The following SLC2A9 variants were observed in gnomAD, a reference collection of about 807,000 sequenced individuals.
SLC2A9 encodes the protein solute carrier family 2 member 9.
In SLC2A9, 39 loss-of-function variants were observed where a neutral mutation model predicts 50.6. The observed-to-expected ratio is 0.77, with a 90% confidence interval of 0.60 to 1.01. SLC2A9 has a LOEUF of 1.01. SLC2A9 is among the 50% of genes least tolerant of loss of function. The pLI is 0.00. For synonymous variants in SLC2A9, 324 were observed against 276.9 expected, an observed-to-expected ratio of 1.17 and a Z score of -1.69; for missense variants, 686 against 677.6, an observed-to-expected ratio of 1.01 and a Z score of -0.14.
chr4:10,030,481 G>A (rs1048600996), intron 1 of SLC2A9, among the ~76,000 whole-genome samples: 1 of 152,120 alleles, frequency 6.6e-6, no homozygotes, highest in African/African-American at 2.4e-5. Context: ...GGGTAATTTG[G>A]ATGTGTCAAT....
intron 3 of SLC2A9, among the ~76,000 whole-genome samples, chr4:9,790,072 G>A (rs1309260883): frequency 6.6e-6 from 1 of 152,218 alleles, no homozygotes; most frequent in East Asian, 1.9e-4. Context: ...GCTGAGAGAG[G>A]TTCAATAGCA....
chr4:9,798,508 G>A (rs758596932), downstream of SLC2A9, among the ~76,000 whole-genome samples: 4 of 143,904 alleles, frequency 2.8e-5, no homozygotes, highest in East Asian at 4.7e-4. Flanking sequence ...CAACTTCCCC[G>A]CCTCACCCAC....
At chr4:10,031,152 G>A (rs1169892709) in intron 1 of SLC2A9, among the ~76,000 whole-genome samples, 1 of 152,228 alleles carries the variant, frequency 6.6e-6, no homozygotes, top group Non-Finnish European at 1.5e-5. Context: ...AGATGAGCAC[G>A]TCACTCTGCA....
At position 9,922,078 on chromosome 4, in the gene SLC2A9, T is replaced by C. The variant is rs537462182; in HGVS notation, c.815-1506A>G. 5.3e-5 allele frequency among the ~76,000 whole-genome samples: 8 copies of C among 152,356 alleles called. No homozygotes were observed. In the East Asian group the frequency reaches 9.6e-4, roughly 18 times the overall value. On this transcript the variant is annotated intron_variant, in intron 6 of 11. Transcript: ENST00000264784. ...ATCCATGTCCCTGCAAAGGATATGA[T>C]GTCATTCCTTTTTATGGATTCATAG...
intron 5 of SLC2A9, among the ~76,000 whole-genome samples, chr4:9,966,776 C>A (rs1448988026): frequency 6.6e-6 from 1 of 152,104 alleles, no homozygotes; most frequent in African/African-American, 2.4e-5. Flanking sequence ...GTAAGCATTG[C>A]TTTAGTCTTT....
At chr4:10,029,971 T>C (rs1763887077) in intron 1 of SLC2A9, among the ~76,000 whole-genome samples, 1 of 152,146 alleles carries the variant, frequency 6.6e-6, no homozygotes, top group African/African-American at 2.4e-5. Flanking sequence ...CTTGGGCTGT[T>C]GCAAGGTGTG....
At chr4:9,981,303 ATGG>A (rs1295757565) in intron 4 of SLC2A9, among the ~76,000 whole-genome samples, 3 of 148,210 alleles carry the variant, frequency 2.0e-5, no homozygotes, top group Non-Finnish European at 3.0e-5. Context: ...TATGATAGTG[ATGG>A]TGGCGATGGT....
At chr4:9,909,011 C>T (rs13103429) in intron 7 of SLC2A9, among the ~76,000 whole-genome samples, 60,801 of 152,066 alleles carry the variant, frequency 0.4, 14,182 homozygotes, top group Non-Finnish European at 0.52. Flanking sequence ...TAACCTCCAT[C>T]GTAACTTTAT....
chr4:9,822,052 C>T (rs932625311), downstream of SLC2A9, among the ~76,000 whole-genome samples: 1 of 152,190 alleles, frequency 6.6e-6, no homozygotes, highest in African/African-American at 2.4e-5. Context: ...CTTCTAATAT[C>T]TGTAGGGTCT....
chr4:9,892,191 G>A (rs575375247), intron 8 of SLC2A9, among the ~76,000 whole-genome samples: 167 of 152,356 alleles, frequency 1.1e-3, no homozygotes, highest in African/African-American at 3.9e-3. Flanking sequence ...CTGCCTGTCC[G>A]AAGGGCATAG....
rs774524463 is a variant in SLC2A9 at position 9,834,905 on chromosome 4, A to C, written c.1395T>G (p.Val465=). The part of the protein sequence containing the change: ...GTVNWLSNFA[V]GLLFPFIQKS... ...CCTGAATGAATGGGAAGAGGAGCCCAACAGCAAAGTTGGAGAGCCAGTTGA... is the reference window on the plus strand; with the variant it reads ...CCTGAATGAATGGGAAGAGGAGCCCCACAGCAAAGTTGGAGAGCCAGTTGA... The change falls in exon 11 of 12, where the codon GTT becomes GTG. Residue 465 remains valine, a synonymous_variant. Coordinates refer to ENST00000264784, the MANE Select transcript of SLC2A9 (RefSeq NM_020041.3). 7.4e-6 allele frequency: 12 copies of C among 1,614,066 alleles called. No individual in the cohort carries two copies. The African/African-American group carries it at 1.5e-4, about 20-fold the overall frequency.
intron 11 of SLC2A9, among the ~76,000 whole-genome samples, chr4:9,830,736 T>C (rs1290722906): frequency 3.3e-5 from 5 of 152,206 alleles, no homozygotes; most frequent in South Asian, 2.1e-4. Flanking sequence ...TCGGAAAATA[T>C]TGGCACTCCA....
At chr4:9,998,509 T>C (rs1378412724) in intron 2 of SLC2A9, among the ~76,000 whole-genome samples, 1 of 152,148 alleles carries the variant, frequency 6.6e-6, no homozygotes, top group African/African-American at 2.4e-5. Context: ...AAAGATCTGG[T>C]AAGACTGAGG....
chr4:9,853,424 A>G (rs1340328072), intron 10 of SLC2A9, among the ~76,000 whole-genome samples: 2 of 152,250 alleles, frequency 1.3e-5, no homozygotes, highest in Non-Finnish European at 2.9e-5. Context: ...ACATAATGAT[A>G]AATGACTCAA....
chr4:10,004,347 C>T (rs943841959), intron 2 of SLC2A9, among the ~76,000 whole-genome samples: 6 of 152,264 alleles, frequency 3.9e-5, no homozygotes, highest in Admixed American at 3.9e-4. Context: ...GACATACTGC[C>T]AGGCCACCTT....
intron 3 of SLC2A9, among the ~76,000 whole-genome samples, chr4:9,809,975 A>G (rs1394871460): frequency 6.6e-6 from 1 of 152,018 alleles, no homozygotes; most frequent in Non-Finnish European, 1.5e-5. Flanking sequence ...GCCCACGAGT[A>G]ACATTTTGAT....
chr4:9,813,348 C>T (rs976042432), intron 3 of SLC2A9, among the ~76,000 whole-genome samples: 5 of 152,186 alleles, frequency 3.3e-5, no homozygotes, highest in African/African-American at 4.8e-5. Flanking sequence ...ATTCCATTTA[C>T]TTGTTCACTC....
At chr4:9,889,275 C>T (rs115120847) in intron 9 of SLC2A9, among the ~76,000 whole-genome samples, 134 of 152,256 alleles carry the variant, frequency 8.8e-4, no homozygotes, top group African/African-American at 2.9e-3. Flanking sequence ...TGCCAGGTTC[C>T]TTGAGGAGCT....
chr4:9,826,213 C>T (rs1397892432), downstream of SLC2A9: 1 of 629,320 alleles, frequency 1.6e-6, no homozygotes, highest in Non-Finnish European at 2.8e-6. Context: ...AATGCTAACA[C>T]AGTTGCAATG....
Sources: allele counts gnomAD v4.1 joint callset (sites outside exome capture counted in the v4.1 genomes callset), GRCh38; gene constraint gnomAD v4.1.1; transcripts MANE v1.5; gene names NCBI Gene and HGNC (gene_info 2026-07-23, HGNC 2026-07-21).